TTC39C: variants seen among roughly 807,000 people sequenced by gnomAD.
The protein encoded by TTC39C is tetratricopeptide repeat domain 39C, also known as tetratricopeptide repeat protein 39C.
Under a neutral mutation model 76.3 loss-of-function variants are expected in TTC39C, and 33 were observed. That is an observed-to-expected ratio of 0.43 (90% CI 0.33 to 0.58). The LOEUF is 0.58. Among genes scored for constraint, TTC39C ranks in the 20% least tolerant of loss-of-function variants. The pLI, the probability that TTC39C is intolerant of heterozygous loss-of-function variation, is 0.04. For synonymous variants in TTC39C, 254 were observed against 260.6 expected (o/e 0.97, Z 0.24); for missense variants, 595 against 701.4 (o/e 0.85, Z 1.71).
intron 1 of TTC39C, among the ~76,000 whole-genome samples, chr18:24,042,157 T>C (rs1283251938): frequency 6.6e-6 from 1 of 152,240 alleles, no homozygotes; most frequent in Non-Finnish European, 1.5e-5. Flanking sequence ...AGTGTTTTGT[T>C]ATATAAATAT....
At position 24,033,318 on chromosome 18, in the gene TTC39C, T is replaced by A. The variant is rs529317015; in HGVS notation, c.167+18280T>A. Among the ~76,000 whole-genome samples, 22 of 152,346 alleles carry A rather than the reference T, an allele frequency of 1.4e-4. 1 individual carries two copies. In the South Asian group the frequency reaches 3.7e-3, roughly 26 times the overall value. On this transcript the variant is annotated intron_variant, in intron 1 of 13. Coordinates refer to ENST00000317571, the MANE Select transcript of TTC39C (RefSeq NM_001135993.2). ...AATTATGCCATTTGGTAGCCTTGTC[T>A]TCCATTGCTGTGTTCTTTCCTTACT...
chr18:24,015,767 G>C (rs963042243), intron 1 of TTC39C, among the ~76,000 whole-genome samples: 1 of 152,188 alleles, frequency 6.6e-6, no homozygotes, highest in Non-Finnish European at 1.5e-5. Context: ...AGGAAAACAC[G>C]TGTGTTCAGT....
At chr18:23,999,132 G>A (rs185649410) in intron 1 of TTC39C, among the ~76,000 whole-genome samples, 2 of 152,306 alleles carry the variant, frequency 1.3e-5, no homozygotes, top group African/African-American at 4.8e-5. Flanking sequence ...TAAGTTGAGC[G>A]CTGTGGACAT....
intron 6 of TTC39C, among the ~76,000 whole-genome samples, chr18:24,106,891 G>T (rs1467592741): frequency 6.6e-6 from 1 of 152,126 alleles, no homozygotes; most frequent in African/African-American, 2.4e-5. Context: ...CACCATGTTG[G>T]CCAGGCTGGT....
chr18:24,061,623 G>C lies in TTC39C; in HGVS notation c.168-2517G>C, dbSNP rs577886558. On this transcript the variant is annotated intron_variant, in intron 1 of 13. Transcript: ENST00000317571. The stretch of plus-strand genomic sequence containing the variant: ...AAAAAAAAAAAAAAAAAAAGCGTGG[G>C]CTGGGTGTGGTGGCTCACACCAGTA... 6.0e-5 allele frequency among the ~76,000 whole-genome samples: 9 copies of C among 150,814 alleles called. No homozygotes were observed. In the East Asian group the frequency reaches 9.7e-4, roughly 16 times the overall value.
At chr18:24,120,834 C>T (rs1346326064) in intron 8 of TTC39C, among the ~76,000 whole-genome samples, 1 of 151,564 alleles carries the variant, frequency 6.6e-6, no homozygotes, top group Non-Finnish European at 1.5e-5. Flanking sequence ...ATAATGTCTT[C>T]AAGGTTCATC....
intron 1 of TTC39C, among the ~76,000 whole-genome samples, chr18:24,007,101 GCA>G (rs1207410617): frequency 6.6e-6 from 1 of 152,170 alleles, no homozygotes; most frequent in Non-Finnish European, 1.5e-5. Context: ...GAATTCCGTG[GCA>G]CAGAGTTCTG....
chr18:23,999,383 G>T (rs1383487010), intron 1 of TTC39C, among the ~76,000 whole-genome samples: 1 of 152,194 alleles, frequency 6.6e-6, no homozygotes, highest in Non-Finnish European at 1.5e-5. Flanking sequence ...GGACTCTCTG[G>T]ATGGGCCATA....
rs1182625147 is a variant in TTC39C at position 24,134,257 on chromosome 18, G to GTTTTTTTTTTTTTTTTTTTTTTTT, written c.*1689_*1690insTTTTTTTTTTTTTTTTTTTTTTTT. ...TGGTGCCCAAAAATATTGGACATCT[G>GTTTTTTTTTTTTTTTTTTTTTTTT]TTTTTTGTTTTTTTTTTTTTTTTTT... On this transcript the variant is annotated 3_prime_UTR_variant, in exon 14 of 14. Coordinates refer to ENST00000317571, the MANE Select transcript of TTC39C (RefSeq NM_001135993.2). The GTTTTTTTTTTTTTTTTTTTTTTTT allele has an allele frequency of 1.2e-4, 6 of 48,688 alleles. 1 individual carries two copies. Among genetic ancestry groups the GTTTTTTTTTTTTTTTTTTTTTTTT allele is most frequent in the Non-Finnish European group, 1.8e-4 (4 of 21,830 alleles). The allele number at this position is 48,688 out of a possible 1,614,324, so 3.0% of individuals were successfully genotyped here.
At chr18:24,040,295 A>G (rs1014012794) in intron 1 of TTC39C, among the ~76,000 whole-genome samples, 6 of 152,240 alleles carry the variant, frequency 3.9e-5, no homozygotes, top group African/African-American at 7.2e-5. Context: ...AGCCGCATCT[A>G]TAATATATTT....
chr18:24,125,461 C>T lies in TTC39C; in HGVS notation c.1331C>T (p.Ala444Val), dbSNP rs765348755. Residue 444 changes from alanine (A) to valine (V), a missense_variant, in exon 10 of 14, where the codon GCG becomes GTG. By Grantham distance (64) the Ala-to-Val change is moderately conservative. Coordinates refer to ENST00000317571, the MANE Select transcript of TTC39C (RefSeq NM_001135993.2). ...TTTCGGAAGCAAACCCCAACCAAAG[C>T]GCTCTGTGTGTTGGCGTCTATTGAA... Reference protein sequence around the residue: ...ERFRKQTPTKALCVLASIEVL... With the variant: ...ERFRKQTPTKVLCVLASIEVL... 25 of 1,614,038 alleles carry T rather than the reference C, an allele frequency of 1.5e-5. No homozygotes were observed. The highest frequency in any genetic ancestry group is 1.5e-4 in the South Asian group (14 of 91,080).
chr18:24,050,356 G>A (rs1179100468), intron 1 of TTC39C, among the ~76,000 whole-genome samples: 3 of 151,978 alleles, frequency 2.0e-5, no homozygotes, highest in African/African-American at 7.3e-5. Context: ...GATCACTTGA[G>A]GTCAGGAGTT....
rs186842784 is a variant in TTC39C, at chr18:24,133,812, A to C, written c.*1238A>C. On this transcript the variant is annotated 3_prime_UTR_variant, in exon 14 of 14. Transcript: ENST00000317571. ...CTGCCATAATTTGGCTCAATGTTTA[A>C]GGTTAGATTTTTAAAGAAATTTTTA... 4.6e-5 allele frequency: 7 copies of C among 152,314 alleles called. No individual in the cohort carries two copies. The highest frequency in any genetic ancestry group is 1.7e-4 in the African/African-American group (7 of 41,572). 9.4% of individuals were successfully genotyped at this position (152,314 alleles called of 1,614,324 possible).
intron 4 of TTC39C, 26 bp from the exon 5 acceptor site, chr18:24,080,559 A>G (rs1241592172): frequency 2.0e-6 from 3 of 1,508,446 alleles, no homozygotes; most frequent in Non-Finnish European, 2.7e-6. Context: ...AATGTTTTTG[A>G]ATCTTTTCTC....
At chr18:24,064,111 T>TTGTGTG (rs201675660) in intron 1 of TTC39C, 29 bp from the exon 2 acceptor site, 22 of 1,565,756 alleles carry the variant, frequency 1.4e-5, no homozygotes, top group Non-Finnish European at 1.7e-5. Flanking sequence ...TAATTGTATT[T>TTGTGTG]TGTGTGTGTG....
chr18:24,013,093 C>A (rs1331270353), upstream of TTC39C: 1 of 152,168 alleles, frequency 6.6e-6, no homozygotes, highest in Non-Finnish European at 1.5e-5. Flanking sequence ...GGTGACACTG[C>A]TGATGTTTGA....
At chr18:24,097,789 C>T (rs925328278) in intron 6 of TTC39C, among the ~76,000 whole-genome samples, 2 of 152,172 alleles carry the variant, frequency 1.3e-5, no homozygotes, top group African/African-American at 4.8e-5. Flanking sequence ...ACCCAAGCTT[C>T]ACCATAGGTT....
Position 24,075,590 on chromosome 18 carries a change from G to A in TTC39C, c.461-4995G>A, listed in dbSNP as rs141740582. ...TCCCAGCTACTCAGGAGGCTGAGGTGGAAGAATCACCTGAGCTTGGGAGGT... is the reference window on the plus strand; with the variant it reads ...TCCCAGCTACTCAGGAGGCTGAGGTAGAAGAATCACCTGAGCTTGGGAGGT... On this transcript the variant is annotated intron_variant, in intron 4 of 13. Transcript: ENST00000317571. Among the ~76,000 whole-genome samples the A allele has an allele frequency of 4.8e-4, 73 of 151,290 alleles. 2 individuals are homozygous for A. The East Asian group carries it at 0.012, about 25-fold the overall frequency.
At chr18:24,077,989 C>T (rs1287298202) in intron 4 of TTC39C, among the ~76,000 whole-genome samples, 2 of 152,208 alleles carry the variant, frequency 1.3e-5, no homozygotes, top group African/African-American at 2.4e-5. Flanking sequence ...AAGGAAGGAT[C>T]TCTGTCTTAT....
Sources: gnomAD v4.1 joint callset for allele counts (sites outside exome capture counted in the v4.1 genomes callset) on GRCh38, gnomAD v4.1.1 for gene constraint, MANE v1.5 for transcripts, NCBI Gene and HGNC (gene_info 2026-07-23, HGNC 2026-07-21) for gene names.